MCTP1: variants seen among roughly 807,000 people sequenced by gnomAD.
The protein encoded by MCTP1 is multiple C2 and transmembrane domain-containing protein 1.
In MCTP1, 69 loss-of-function variants were observed where a neutral mutation model predicts 120.6. That is an observed-to-expected ratio of 0.57 (90% CI 0.47 to 0.70). MCTP1 has a LOEUF of 0.70. Ranked by LOEUF, MCTP1 falls within the 30% of genes least tolerant of loss-of-function variation. MCTP1 has a pLI of 0.00. For synonymous variants in MCTP1, 529 were observed against 493.1 expected, an observed-to-expected ratio of 1.07 and a Z score of -0.96; for missense variants, 1,203 against 1,248.8, an observed-to-expected ratio of 0.96 and a Z score of 0.55.
intron 1 of MCTP1, among the ~76,000 whole-genome samples, chr5:95,221,724 G>A (rs1405201081): frequency 6.6e-6 from 1 of 152,198 alleles, no homozygotes; most frequent in Admixed American, 6.5e-5. Context: ...CTGTTGAGGT[G>A]ACAGACAATA....
chr5:94,707,604 G>T, intron 22 of MCTP1, 37 bp from the exon 23 acceptor site: 1 of 1,523,502 alleles, frequency 6.6e-7, no homozygotes, highest in Non-Finnish European at 9.1e-7. Flanking sequence ...CTGGTCAGGT[G>T]GCCACTTTCT....
intron 1 of MCTP1, among the ~76,000 whole-genome samples, chr5:95,200,876 T>C (rs777908247): frequency 1.2e-4 from 18 of 152,218 alleles, no homozygotes; most frequent in Admixed American, 3.3e-4. Context: ...CCACAACTTA[T>C]ACATATTTCA....
At chr5:94,755,608 T>C (rs929737380) in intron 19 of MCTP1, among the ~76,000 whole-genome samples, 1 of 152,232 alleles carries the variant, frequency 6.6e-6, no homozygotes, top group Non-Finnish European at 1.5e-5. Flanking sequence ...TACTTCATTC[T>C]AGCGATATAT....
Position 95,283,962 on chromosome 5 carries a change from G to A in MCTP1, c.614C>T (p.Ala205Val), listed in dbSNP as rs1183347708. Residue 205 changes from alanine (A) to valine (V), a missense_variant, in exon 1 of 23, where the codon GCC becomes GTC. Ala to Val is a moderately conservative substitution (Grantham distance 64). Around this residue, in one of 2 missense-constraint regions of MCTP1, gnomAD observed 463 missense variants for 377.8 expected, o/e 1.23. Transcript: ENST00000515393. ...CGGCTCCAGCAGCTGCTCCAGGCAG[G>A]CGGTGCCCGGCAGAGAGGAGCTCTT... is the stretch of plus-strand genomic sequence containing the variant. ...HQKSSSLPGT[A>V]CLEQLLEPPP... 5.6e-6 allele frequency: 8 copies of A among 1,418,902 alleles called. No homozygotes were observed. In the Admixed American group the frequency reaches 9.7e-5, roughly 17 times the overall value. 87.9% of individuals were successfully genotyped at this position (1,418,902 alleles called of 1,614,324 possible). A position where few individuals can be genotyped will look rare whatever the true frequency, so the allele number is the denominator to read the frequency against.
chr5:95,027,057 A>G (rs1174349207), intron 1 of MCTP1, among the ~76,000 whole-genome samples: 1 of 152,214 alleles, frequency 6.6e-6, no homozygotes, highest in Non-Finnish European at 1.5e-5. Flanking sequence ...CTAATTTTCA[A>G]AAACAGAATT....
At chr5:94,908,884 C>T (rs879575174) in intron 10 of MCTP1, among the ~76,000 whole-genome samples, 21 of 152,018 alleles carry the variant, frequency 1.4e-4, no homozygotes, top group Non-Finnish European at 3.1e-4. Flanking sequence ...ATGCATTTTA[C>T]GGTGATAGTA....
intron 1 of MCTP1, among the ~76,000 whole-genome samples, chr5:95,067,787 C>CT (rs886891659): frequency 2.6e-5 from 4 of 152,182 alleles, no homozygotes; most frequent in African/African-American, 9.6e-5. Flanking sequence ...ACTAACCTAT[C>CT]TTTTTTGTGG....
rs527751403 is a variant in MCTP1, at chr5:95,173,106, T to C, written c.720+110750A>G. ...AACAAATAAAGATTATTTTCTTGTA[T>C]GGAGATCGAAGACTCACAATGTTAC... On this transcript the variant is annotated intron_variant, in intron 1 of 22. Coordinates refer to ENST00000515393, the MANE Select transcript of MCTP1 (RefSeq NM_024717.7). Among the ~76,000 whole-genome samples, 32 of 152,312 alleles carry C rather than the reference T, an allele frequency of 2.1e-4. No individual in the cohort carries two copies. In the South Asian group the frequency reaches 6.6e-3, roughly 32 times the overall value.
At chr5:95,024,168 C>G in intron 1 of MCTP1, 2 of 395,068 alleles carry the variant, frequency 5.1e-6, no homozygotes, top group Non-Finnish European at 1.0e-5. Flanking sequence ...AAAGAAATCA[C>G]TTCCAAGACC....
At chr5:95,153,052 T>C (rs1744712836) in intron 1 of MCTP1, among the ~76,000 whole-genome samples, 1 of 152,186 alleles carries the variant, frequency 6.6e-6, no homozygotes, top group African/African-American at 2.4e-5. Flanking sequence ...GCCATTATAG[T>C]AATCATTATT....
chr5:95,112,343 T>C (rs188193495), intron 1 of MCTP1, among the ~76,000 whole-genome samples: 3 of 152,356 alleles, frequency 2.0e-5, no homozygotes, highest in Admixed American at 2.0e-4. Context: ...TTAAATACTG[T>C]GCTTAAAACT....
chr5:95,129,496 C>T (rs1041939017), intron 1 of MCTP1, among the ~76,000 whole-genome samples: 3 of 152,188 alleles, frequency 2.0e-5, no homozygotes, highest in Non-Finnish European at 2.9e-5. Context: ...ACAGGGCTAA[C>T]GGATGCCCAA....
intron 2 of MCTP1, among the ~76,000 whole-genome samples, chr5:94,954,069 C>CAT (rs559420312): frequency 1.6e-5 from 1 of 63,080 alleles, no homozygotes; most frequent in Non-Finnish European, 2.8e-5. Context: ...AATATATATG[C>CAT]ATATATATAC....
intron 1 of MCTP1, among the ~76,000 whole-genome samples, chr5:95,171,575 C>T (rs1381094194): frequency 6.6e-6 from 1 of 152,222 alleles, no homozygotes; most frequent in East Asian, 1.9e-4. Context: ...GGTCTTTTCG[C>T]ATAGTCCCAT....
rs746687429 is a variant in MCTP1, at chr5:94,953,302, T to C, written c.898A>G (p.Ile300Val). The C allele has an allele frequency of 5.0e-6, 8 of 1,612,018 alleles. No individual in the cohort carries two copies. In the East Asian group the frequency reaches 8.9e-5, roughly 18 times the overall value. Residue 300 changes from isoleucine (I) to valine (V), a missense_variant, in exon 3 of 23, where the codon ATA becomes GTA. Physicochemically the swap from Ile to Val is conservative, Grantham distance 29 (BLOSUM62 3). Transcript: ENST00000515393. ...ACAGGGTTGAGGTTCTTGTGTATTATCTTACTTCTAAAAACTTCTTTTCCT... is the reference window on the plus strand; with the variant it reads ...ACAGGGTTGAGGTTCTTGTGTATTACCTTACTTCTAAAAACTTCTTTTCCT... ...IGGKEVFRSK[I>V]IHKNLNPVWE...
intron 20 of MCTP1, among the ~76,000 whole-genome samples, chr5:94,713,612 G>A (rs1249420109): frequency 6.6e-6 from 1 of 152,118 alleles, no homozygotes; most frequent in Non-Finnish European, 1.5e-5. Flanking sequence ...GTGGAGGACA[G>A]GTAAACATTC....
intron 5 of MCTP1, among the ~76,000 whole-genome samples, chr5:94,937,398 G>A (rs1816451516): frequency 6.6e-6 from 1 of 151,970 alleles, no homozygotes; most frequent in African/African-American, 2.4e-5. Flanking sequence ...TTGTGTTAAG[G>A]GTGAATGTGG....
intron 1 of MCTP1, among the ~76,000 whole-genome samples, chr5:95,168,201 G>T (rs898850662): frequency 2.0e-5 from 3 of 152,180 alleles, no homozygotes; most frequent in African/African-American, 7.2e-5. Context: ...AGATCAGATA[G>T]TTGTAGACGT....
At chr5:94,834,910 G>A (rs921924969) in intron 17 of MCTP1, among the ~76,000 whole-genome samples, 8 of 139,020 alleles carry the variant, frequency 5.8e-5, no homozygotes, top group East Asian at 2.2e-4. Context: ...TGCAACCTCC[G>A]CCTCCCAGGT....
Sources: gnomAD v4.1 joint callset for allele counts (sites outside exome capture counted in the v4.1 genomes callset) on GRCh38, gnomAD v4.1.1 for gene constraint, gnomAD v4.1.1 regional missense constraint, MANE v1.5 for transcripts, NCBI Gene and HGNC (gene_info 2026-07-23, HGNC 2026-07-21) for gene names.